TESK2: variants seen among roughly 807,000 people sequenced by gnomAD.
TESK2 encodes the protein dual specificity testis-specific protein kinase 2.
Under a neutral mutation model 57.1 loss-of-function variants are expected in TESK2, and 39 were observed. The ratio of observed to expected loss-of-function variants is 0.68; its 90% CI spans 0.53 to 0.89. The LOEUF (loss-of-function observed/expected upper bound fraction) is 0.89. Ranked by LOEUF, TESK2 falls within the 40% of genes least tolerant of loss-of-function variation. TESK2 has a pLI of 0.00. For missense variants in TESK2, 646 were observed against 732.1 expected, an observed-to-expected ratio of 0.88 and a Z score of 1.36; for synonymous variants, 249 against 267.9, an observed-to-expected ratio of 0.93 and a Z score of 0.69.
intron 1 of TESK2, among the ~76,000 whole-genome samples, chr1:45,482,138 T>G (rs1413203270): frequency 1.3e-5 from 2 of 152,172 alleles, no homozygotes; most frequent in Non-Finnish European, 2.9e-5. Flanking sequence ...TCATGCTTAG[T>G]GCAATACTGT....
chr1:45,389,030 G>A (rs1649030129), intron 3 of TESK2, among the ~76,000 whole-genome samples: 1 of 152,024 alleles, frequency 6.6e-6, no homozygotes, highest in Non-Finnish European at 1.5e-5. Flanking sequence ...GAGAGGTATG[G>A]CTTTTAAGAG....
At chr1:45,475,540 A>G (rs1652954457) in intron 1 of TESK2, among the ~76,000 whole-genome samples, 1 of 152,216 alleles carries the variant, frequency 6.6e-6, no homozygotes, top group Non-Finnish European at 1.5e-5. Flanking sequence ...ATGAAAAATG[A>G]CAGTTGCTAT....
Position 45,345,481 on chromosome 1 carries a change from T to C in TESK2, c.1075A>G (p.Arg359Gly). 6.2e-7 allele frequency: 1 copy of C among 1,614,154 alleles called. No homozygotes were observed. Among genetic ancestry groups the C allele is most frequent in the South Asian group, 1.1e-5 (1 of 91,086 alleles). ...CTTCGAGACAGCCAGATGGTACGTC[T>C]TGGGCATGGTGACTTGTGGGGGATC... ...DKIPHKSPCP[R>G]RTIWLSRSQS... Residue 359 changes from arginine (R) to glycine (G), a missense_variant, in exon 11 of 11, where the codon AGA becomes GGA. Arg to Gly is a moderately radical substitution (Grantham distance 125). Coordinates refer to ENST00000372086, the MANE Select transcript of TESK2 (RefSeq NM_007170.3).
chr1:45,432,171 C>G (rs1023361241), intron 2 of TESK2, among the ~76,000 whole-genome samples: 2 of 151,806 alleles, frequency 1.3e-5, no homozygotes, highest in African/African-American at 4.8e-5. Flanking sequence ...ATCACTTGAG[C>G]CTGGGCAACA....
intron 3 of TESK2, among the ~76,000 whole-genome samples, chr1:45,388,093 A>G (rs1648976165): frequency 6.6e-6 from 1 of 152,202 alleles, no homozygotes; most frequent in South Asian, 2.1e-4. Context: ...CAACTCCCCA[A>G]TCACTAGAAT....
intron 1 of TESK2, among the ~76,000 whole-genome samples, chr1:45,486,176 T>C (rs1320079648): frequency 6.6e-6 from 1 of 152,186 alleles, no homozygotes; most frequent in Non-Finnish European, 1.5e-5. Flanking sequence ...AATAGTATAA[T>C]AGCCATTGTT....
At chr1:45,426,266 T>C (rs749812585) in intron 2 of TESK2, among the ~76,000 whole-genome samples, 9 of 152,070 alleles carry the variant, frequency 5.9e-5, no homozygotes, top group South Asian at 2.1e-4. Context: ...CATAGACCAA[T>C]GGAACAGAAT....
rs751657877 is a variant in TESK2 at position 45,344,978 on chromosome 1, G to C, written c.1578C>G (p.Ser526=). Residue 526 remains serine (S), a synonymous_variant, in exon 11 of 11, where the codon TCC becomes TCG. Transcript: ENST00000372086. The part of the protein sequence containing the change: ...SILQEENGFG[S]RPQGTSPCPA... The stretch of plus-strand genomic sequence containing the variant: ...GGCATGGACTGGTCCCCTGGGGCCT[G>C]GACCCAAAACCATTTTCTTCCTGGA... 6.2e-7 allele frequency: 1 copy of C among 1,614,246 alleles called. No homozygotes were observed. The highest frequency in any genetic ancestry group is 8.5e-7 in the Non-Finnish European group (1 of 1,180,036).
At chr1:45,381,155 C>T (rs1410516492) in intron 4 of TESK2, among the ~76,000 whole-genome samples, 1 of 152,104 alleles carries the variant, frequency 6.6e-6, no homozygotes, top group African/African-American at 2.4e-5. Flanking sequence ...GTTTAAATAA[C>T]TAATAGTTGT....
At chr1:45,413,390 GAA>G (rs1446985265) in intron 3 of TESK2, among the ~76,000 whole-genome samples, 1 of 152,032 alleles carries the variant, frequency 6.6e-6, no homozygotes, top group Non-Finnish European at 1.5e-5. Flanking sequence ...TTGGGGTCAA[GAA>G]AAAGAGAACT....
chr1:45,454,252 G>A (rs1404878930), intron 2 of TESK2, among the ~76,000 whole-genome samples: 1 of 152,020 alleles, frequency 6.6e-6, no homozygotes, highest in Non-Finnish European at 1.5e-5. Flanking sequence ...CCAGGGGTTG[G>A]GGGGAATGGA....
chr1:45,362,792 C>T (rs745660110), intron 4 of TESK2, among the ~76,000 whole-genome samples: 1 of 152,042 alleles, frequency 6.6e-6, no homozygotes, highest in Admixed American at 6.6e-5. Flanking sequence ...TGAAAACCTA[C>T]AATGTGAAAC....
intron 4 of TESK2, among the ~76,000 whole-genome samples, chr1:45,369,006 C>T (rs1165830127): frequency 1.3e-5 from 2 of 151,992 alleles, no homozygotes; most frequent in East Asian, 1.9e-4. Context: ...CCACCTGCCT[C>T]GGCCTCCCAA....
chr1:45,385,992 G>A (rs1648877006), intron 3 of TESK2, 32 bp from the exon 4 acceptor site: 1 of 1,530,716 alleles, frequency 6.5e-7, no homozygotes, highest in Non-Finnish European at 9.0e-7. Context: ...TTTAACAAGT[G>A]AAAAGGACAC....
rs567570333 is a variant in TESK2 at position 45,490,345 on chromosome 1, G to C, written c.-87+507C>G. ...AAGAGTAAAAAGCAGAGAGGGGAAA[G>C]GAAGGGAGACGATGACAAGCGAGGA... On this transcript the variant is annotated intron_variant, in intron 1 of 10. Coordinates refer to ENST00000372086, the MANE Select transcript of TESK2 (RefSeq NM_007170.3). Among the ~76,000 whole-genome samples, 83 of 152,322 alleles carry C rather than the reference G, an allele frequency of 5.4e-4. 1 individual carries two copies. Among genetic ancestry groups the C allele is most frequent in the African/African-American group, 1.9e-3 (81 of 41,572 alleles).
At chr1:45,450,632 A>G (rs1485638001) in intron 2 of TESK2, among the ~76,000 whole-genome samples, 1 of 152,204 alleles carries the variant, frequency 6.6e-6, no homozygotes, top group African/African-American at 2.4e-5. Flanking sequence ...ATGGCATCTT[A>G]TATTCAACGA....
chr1:45,365,103 T>C (rs916999915), intron 4 of TESK2, among the ~76,000 whole-genome samples: 1 of 152,180 alleles, frequency 6.6e-6, no homozygotes, highest in African/African-American at 2.4e-5. Flanking sequence ...CCTGCTGGCT[T>C]GGGTTAAGGA....
chr1:45,413,994 T>C, intron 3 of TESK2: 1 of 334,258 alleles, frequency 3.0e-6, no homozygotes, highest in South Asian at 2.4e-5. Context: ...CCAGAAAGCA[T>C]TTAGAAAATA....
Position 45,344,571 on chromosome 1 carries a change from A to C in TESK2, c.*269T>G. 3 of 439,248 alleles carry C rather than the reference A, an allele frequency of 6.8e-6. No homozygotes were observed. The highest frequency in any genetic ancestry group is 8.3e-6 in the Non-Finnish European group (2 of 241,312). The allele number at this position is 439,248 out of a possible 1,614,324, so 27.2% of individuals were successfully genotyped here. A position where few individuals can be genotyped will look rare whatever the true frequency, so the allele number is the denominator to read the frequency against. On this transcript the variant is annotated 3_prime_UTR_variant, in exon 11 of 11. Coordinates refer to ENST00000372086, the MANE Select transcript of TESK2 (RefSeq NM_007170.3). The stretch of plus-strand genomic sequence containing the variant: ...GACATCCTCTGGTCCTATCTGGGGA[A>C]GTACACTGGAGAGGGTCTGGTGGGA...
Sources: gnomAD v4.1 joint callset for allele counts (sites outside exome capture counted in the v4.1 genomes callset) on GRCh38, gnomAD v4.1.1 for gene constraint, MANE v1.5 for transcripts, NCBI Gene and HGNC (gene_info 2026-07-23, HGNC 2026-07-21) for gene names.